Variants in ARHGEF12 observed in about 807,000 individuals in gnomAD.
The protein encoded by ARHGEF12 is KMT2A/ARHGEF12 fusion protein.
ARHGEF12 carries 66 observed loss-of-function variants against 211.2 expected under a neutral mutation model. The observed-to-expected ratio is 0.31, with a 90% CI of 0.26 to 0.38. The LOEUF (loss-of-function observed/expected upper bound fraction) is 0.38. Ranked by LOEUF, ARHGEF12 falls within the 10% of genes least tolerant of loss-of-function variation. ARHGEF12 has a pLI of 1.00. For missense variants in ARHGEF12, 1,429 were observed against 1,869.5 expected, an observed-to-expected ratio of 0.76 and a Z score of 4.34; for synonymous variants, 592 against 638.4, an observed-to-expected ratio of 0.93 and a Z score of 1.09.
chr11:120,447,904 G>A lies in ARHGEF12; in HGVS notation c.1620G>A (p.Lys540=), dbSNP rs746440004. The change falls in exon 19 of 41, where the codon AAG becomes AAA. Residue 540 remains lysine (K), a splice_region_variant and synonymous_variant. Transcript: ENST00000397843. The part of the protein sequence containing the change: ...LMTAQAVEED[K]SSTMQYVILM... ...CTGCTCAGGCTGTAGAGGAAGATAA[G>A]AGGTAACATAACTGTTTTTTTTCCC... 25 of 1,565,594 alleles carry A rather than the reference G, an allele frequency of 1.6e-5. No homozygotes were observed. The highest frequency in any genetic ancestry group is 2.1e-5 in the Admixed American group (1 of 47,724).
At chr11:120,349,683 TGA>T (rs1192691853) in intron 1 of ARHGEF12, among the ~76,000 whole-genome samples, 13 of 152,204 alleles carry the variant, frequency 8.5e-5, no homozygotes, top group African/African-American at 3.1e-4. Flanking sequence ...GACGATTAAA[TGA>T]GAGTGTGTGT....
intron 34 of ARHGEF12, 122 bp downstream of exon 34, chr11:120,476,870 T>C (rs1947047269): frequency 1.4e-6 from 1 of 713,026 alleles, no homozygotes; most frequent in South Asian, 2.2e-5. Flanking sequence ...CTGTACTCTT[T>C]TAGAGACGTT....
In ARHGEF12 at chr11:120,460,830, C is replaced by G; in HGVS notation, c.2613+73C>G. On this transcript the variant is annotated intron_variant, in intron 27 of 40. Transcript: ENST00000397843. ...GGTTAGATTCAAGTTGAGTAACTAA[C>G]CTTTCCAAATATGCAAACTCATCCA... The G allele has an allele frequency of 2.8e-5, 37 of 1,302,036 alleles. 1 individual carries two copies. The South Asian group carries it at 4.5e-4, about 16-fold the overall frequency. The allele number at this position is 1,302,036 out of a possible 1,614,324, so 80.7% of individuals were successfully genotyped here. A position where few individuals can be genotyped will look rare whatever the true frequency, so the allele number is the denominator to read the frequency against.
At chr11:120,456,629 C>T (rs1368240081) in intron 22 of ARHGEF12, among the ~76,000 whole-genome samples, 3 of 152,190 alleles carry the variant, frequency 2.0e-5, no homozygotes, top group African/African-American at 7.2e-5. Flanking sequence ...TGTTGTTCCT[C>T]ATCATATACT....
In ARHGEF12 at chr11:120,469,614, A is replaced by G. The variant is rs1946808491; in HGVS notation, c.2955+226A>G. 4.6e-5 allele frequency among the ~76,000 whole-genome samples: 7 copies of G among 152,300 alleles called. No homozygotes were observed. In the South Asian group the frequency reaches 1.4e-3, roughly 32 times the overall value. On this transcript the variant is annotated intron_variant, in intron 30 of 40. Coordinates refer to ENST00000397843, the MANE Select transcript of ARHGEF12 (RefSeq NM_015313.3). ...AAGCTGCTTGTTTGCTCTTTCATTT[A>G]TCTCTTCATTCAGCAGATATTTATA... is the stretch of plus-strand genomic sequence containing the variant.
rs990320805 is a variant in ARHGEF12, at chr11:120,487,370, A to G, written c.*2293A>G. The G allele has an allele frequency of 9.1e-6, 2 of 219,548 alleles. No homozygotes were observed. Among genetic ancestry groups the G allele is most frequent in the Non-Finnish European group, 1.8e-5 (2 of 109,618 alleles). 13.6% of individuals were successfully genotyped at this position (219,548 alleles called of 1,614,324 possible). ...TAAATTCATATCTAGATTTTCAAAC[A>G]AAGCCCCAAGATGAAGTCTAATTCT... On this transcript the variant is annotated 3_prime_UTR_variant, in exon 41 of 41. Coordinates refer to ENST00000397843, the MANE Select transcript of ARHGEF12 (RefSeq NM_015313.3).
intron 1 of ARHGEF12, among the ~76,000 whole-genome samples, chr11:120,396,129 A>T (rs1249869011): frequency 6.6e-6 from 1 of 152,194 alleles, no homozygotes; most frequent in Non-Finnish European, 1.5e-5. Flanking sequence ...GGGTGAGAGC[A>T]TGTCAGTGGC....
chr11:120,431,812 C>G lies in ARHGEF12; in HGVS notation c.825C>G (p.Thr275=). The G allele has an allele frequency of 6.2e-7, 1 of 1,613,846 alleles. No homozygotes were observed. The highest frequency in any genetic ancestry group is 1.1e-5 in the South Asian group (1 of 91,034). ...CACCCTCCAGACCTTTAGGGGACAC[C>G]CTAACAGTCAGTGAGGCAGAAACAG... ...VVTPSRPLGD[T]LTVSEAETDP... The change falls in exon 11 of 41, where the codon ACC becomes ACG. Residue 275 remains threonine (T), a synonymous_variant. Coordinates refer to ENST00000397843, the MANE Select transcript of ARHGEF12 (RefSeq NM_015313.3).
chr11:120,395,207 A>G (rs916509916), intron 1 of ARHGEF12, among the ~76,000 whole-genome samples: 1 of 152,030 alleles, frequency 6.6e-6, no homozygotes, highest in Non-Finnish European at 1.5e-5. Context: ...TATACATAAA[A>G]CAGGAAAATA....
chr11:120,483,240 C>T lies in ARHGEF12; in HGVS notation c.4555-1198C>T, dbSNP rs548565053. 1.2e-4 allele frequency among the ~76,000 whole-genome samples: 18 copies of T among 149,104 alleles called. No individual in the cohort carries two copies. The South Asian group carries it at 3.7e-3, about 30-fold the overall frequency. On this transcript the variant is annotated intron_variant, in intron 39 of 40. Coordinates refer to ENST00000397843, the MANE Select transcript of ARHGEF12 (RefSeq NM_015313.3). ...TTAAGTGCCACACACCAGGTTTCTA[C>T]ATGTGCTCCATAATAATCTTTTTTT...
intron 13 of ARHGEF12, 103 bp from the exon 14 acceptor site, chr11:120,441,604 G>C (rs1945869871): frequency 1.3e-6 from 1 of 798,872 alleles, no homozygotes; most frequent in Non-Finnish European, 2.0e-6. Context: ...ATTTTTTATA[G>C]GGAGATCAAA....
intron 22 of ARHGEF12, among the ~76,000 whole-genome samples, chr11:120,456,266 A>G (rs1451225419): frequency 6.6e-6 from 1 of 152,196 alleles, no homozygotes; most frequent in Non-Finnish European, 1.5e-5. Flanking sequence ...AAGGAAGGAA[A>G]TACAATTAGA....
intron 22 of ARHGEF12, chr11:120,456,903 T>C (rs1364275485): frequency 2.3e-6 from 1 of 435,282 alleles, no homozygotes; most frequent in African/African-American, 2.1e-5. Context: ...AAGGCTGAGA[T>C]GGAAGGATCA....
Position 120,389,986 on chromosome 11 carries a change from C to T in ARHGEF12, c.33-16132C>T, listed in dbSNP as rs145956376. ...CTATTGTGAATAATGCTGCAAAAAA[C>T]ATGGGAGTGCAGATAACCCTTCGAT... On this transcript the variant is annotated intron_variant, in intron 1 of 40. Transcript: ENST00000397843. 1.8e-3 allele frequency among the ~76,000 whole-genome samples: 275 copies of T among 152,304 alleles called. 3 individuals carry two copies. Among genetic ancestry groups the T allele is most frequent in the African/African-American group, 6.1e-3 (253 of 41,556 alleles).
intron 26 of ARHGEF12, 97 bp downstream of exon 26, chr11:120,459,417 T>G: frequency 1.6e-6 from 2 of 1,252,998 alleles, no homozygotes; most frequent in Admixed American, 2.3e-5. Flanking sequence ...TTAGTATTCC[T>G]GAGATTATGT....
intron 7 of ARHGEF12, among the ~76,000 whole-genome samples, chr11:120,426,880 T>C (rs1333776092): frequency 6.6e-6 from 1 of 151,920 alleles, no homozygotes; most frequent in Non-Finnish European, 1.5e-5. Flanking sequence ...GTTTTTGTTT[T>C]TGTTTTTGTT....
chr11:120,444,503 C>T (rs1945985692), intron 15 of ARHGEF12, among the ~76,000 whole-genome samples: 1 of 152,080 alleles, frequency 6.6e-6, no homozygotes, highest in Admixed American at 6.5e-5. Context: ...TGAGCTACTG[C>T]CTGTCAAAGA....
chr11:120,457,820 T>C, intron 24 of ARHGEF12, 64 bp downstream of exon 24: 1 of 1,529,310 alleles, frequency 6.5e-7, no homozygotes, highest in East Asian at 2.3e-5. Context: ...TTTTTTCCTC[T>C]AAAGTTTCAT....
At chr11:120,439,182 C>T (rs144584723) in intron 12 of ARHGEF12, 1 of 152,230 alleles carries the variant, frequency 6.6e-6, no homozygotes, top group East Asian at 1.9e-4. Context: ...ATATTAATGC[C>T]TCTGTACTGC....
Sources: gnomAD v4.1 joint callset for allele counts (sites outside exome capture counted in the v4.1 genomes callset) on GRCh38, gnomAD v4.1.1 for gene constraint, MANE v1.5 for transcripts, NCBI Gene and HGNC (gene_info 2026-07-23, HGNC 2026-07-21) for gene names.